CFAP299: variants seen among roughly 807,000 people sequenced by gnomAD.
CFAP299 encodes the protein cilia and flagella associated protein 299.
CFAP299 carries 21 observed loss-of-function variants against 27.0 expected under a neutral mutation model. The ratio of observed to expected loss-of-function variants is 0.78; its 90% CI spans 0.55 to 1.12. The LOEUF (loss-of-function observed/expected upper bound fraction) is 1.12, where lower values mean the gene tolerates loss of function less well. Ranked by LOEUF, CFAP299 falls within the 50% of genes most tolerant of loss-of-function variation. The probability of loss-of-function intolerance (pLI) is 0.00; values close to 1 mark genes in which losing one functional copy is unlikely to be tolerated. For synonymous variants in CFAP299, 104 were observed against 98.1 expected, an observed-to-expected ratio of 1.06 and a Z score of -0.36; for missense variants, 310 against 276.6, an observed-to-expected ratio of 1.12 and a Z score of -0.86.
chr4:80,770,463 T>C (rs1043769319), intron 3 of CFAP299, among the ~76,000 whole-genome samples: 9 of 152,032 alleles, frequency 5.9e-5, no homozygotes, highest in Non-Finnish European at 1.3e-4. Flanking sequence ...AGGAAAAAAT[T>C]TTGCTAAGCA....
rs149221645 is a variant in CFAP299 at position 80,688,026 on chromosome 4, C to A, written c.333+104843C>A. 8.4e-3 allele frequency among the ~76,000 whole-genome samples: 1,279 copies of A among 152,350 alleles called. 11 individuals carry two copies. The highest frequency in any genetic ancestry group is 0.01 in the Non-Finnish European group (705 of 68,034). ...CCAGGAGATTGTGTCCCGCACCTGG[C>A]TCGGAGGGTCCTACACCCACGGAGT... is the stretch of plus-strand genomic sequence containing the variant. On this transcript the variant is annotated intron_variant, in intron 3 of 5. Transcript: ENST00000358105.
chr4:80,934,096 C>A (rs1377115814), intron 4 of CFAP299, among the ~76,000 whole-genome samples: 3 of 151,942 alleles, frequency 2.0e-5, no homozygotes, highest in East Asian at 3.9e-4. Context: ...TGTTGAAGTG[C>A]ATTCCTTCTG....
At chr4:80,882,409 C>T (rs1733747474) in intron 4 of CFAP299, among the ~76,000 whole-genome samples, 1 of 152,074 alleles carries the variant, frequency 6.6e-6, no homozygotes, top group Non-Finnish European at 1.5e-5. Context: ...GAGGCCGAGG[C>T]GGGCGGATTA....
At chr4:80,396,108 A>G (rs147694559) in intron 2 of CFAP299, among the ~76,000 whole-genome samples, 283 of 152,110 alleles carry the variant, frequency 1.9e-3, no homozygotes, top group African/African-American at 6.7e-3. Flanking sequence ...AGCATTCTCA[A>G]TTTGCTTAGT....
intron 3 of CFAP299, among the ~76,000 whole-genome samples, chr4:80,819,642 G>A (rs1017787480): frequency 6.6e-6 from 1 of 152,166 alleles, no homozygotes; most frequent in East Asian, 1.9e-4. Context: ...CTAAAATAAC[G>A]ATCTCTATGT....
intron 4 of CFAP299, among the ~76,000 whole-genome samples, 197 bp from the exon 5 acceptor site, chr4:80,944,613 T>C (rs1033598751): frequency 1.3e-5 from 2 of 152,184 alleles, no homozygotes; most frequent in African/African-American, 4.8e-5. Flanking sequence ...ATCATAAATA[T>C]GTGTCTAAAT....
intron 2 of CFAP299, among the ~76,000 whole-genome samples, chr4:80,421,670 T>G (rs1023053202): frequency 4.6e-5 from 7 of 152,188 alleles, no homozygotes; most frequent in African/African-American, 1.7e-4. Flanking sequence ...TCAGACTCCT[T>G]AGAAGCGGGA....
chr4:80,567,499 A>G (rs1054410547), intron 2 of CFAP299, among the ~76,000 whole-genome samples: 7 of 152,178 alleles, frequency 4.6e-5, no homozygotes, highest in Admixed American at 2.6e-4. Context: ...TATTGTTTCA[A>G]TTGTGAAAAG....
intron 3 of CFAP299, among the ~76,000 whole-genome samples, chr4:80,726,043 T>C (rs1404301116): frequency 2.0e-5 from 3 of 152,246 alleles, no homozygotes; most frequent in Non-Finnish European, 4.4e-5. Flanking sequence ...TTCTGCTCTA[T>C]TAATTAGTGG....
intron 4 of CFAP299, among the ~76,000 whole-genome samples, chr4:80,944,245 T>A (rs1168353092): frequency 6.6e-6 from 1 of 151,894 alleles, no homozygotes; most frequent in African/African-American, 2.4e-5. Context: ...CCGAGTCGTT[T>A]TGCTTTGTCC....
chr4:80,547,982 C>T (rs1343138659), intron 2 of CFAP299, among the ~76,000 whole-genome samples: 1 of 152,142 alleles, frequency 6.6e-6, no homozygotes, highest in African/African-American at 2.4e-5. Context: ...TCACCAAGAA[C>T]TTAAAACAGA....
At chr4:80,886,442 AAGTT>A (rs763863180) in intron 4 of CFAP299, among the ~76,000 whole-genome samples, 26 of 152,184 alleles carry the variant, frequency 1.7e-4, no homozygotes, top group Non-Finnish European at 3.7e-4. Context: ...GTTTGAAAGA[AAGTT>A]AGGGAAAAAC....
intron 3 of CFAP299, among the ~76,000 whole-genome samples, chr4:80,618,274 A>T (rs1738400375): frequency 6.6e-6 from 1 of 152,086 alleles, no homozygotes; most frequent in Admixed American, 6.6e-5. Flanking sequence ...ATACAGTATA[A>T]AGGCAAACTG....
intron 3 of CFAP299, among the ~76,000 whole-genome samples, chr4:80,730,306 T>A (rs1231992116): frequency 1.5e-5 from 2 of 136,374 alleles, no homozygotes; most frequent in Admixed American, 1.4e-4. Context: ...GTGTATGACC[T>A]GACCTCCGGG....
chr4:80,744,643 C>T lies in CFAP299; in HGVS notation c.334-125350C>T, dbSNP rs115955268. On this transcript the variant is annotated intron_variant, in intron 3 of 5. Transcript: ENST00000358105. ...CTACTAATACACAAGCTCTACCCAG[C>T]GTACAAATTATTATTTAGGAATCAT... 8.4e-3 allele frequency among the ~76,000 whole-genome samples: 1,271 copies of T among 151,804 alleles called. 21 individuals carry two copies. Among genetic ancestry groups the T allele is most frequent in the African/African-American group, 0.03 (1,223 of 41,382 alleles).
chr4:80,857,891 A>G lies in CFAP299; in HGVS notation c.334-12102A>G, dbSNP rs376302307. ...TCTTTTTTTTGTTGTGTCTCTGCCC[A>G]GCTTTGGTATCAGGATGATGCTGGC... On this transcript the variant is annotated intron_variant, in intron 3 of 5. Coordinates refer to ENST00000358105, the MANE Select transcript of CFAP299 (RefSeq NM_152770.3). Among the ~76,000 whole-genome samples the G allele has an allele frequency of 3.9e-3, 588 of 152,112 alleles. 1 individual carries two copies. The highest frequency in any genetic ancestry group is 0.014 in the Middle Eastern group (4 of 294).
intron 2 of CFAP299, among the ~76,000 whole-genome samples, chr4:80,391,397 T>C (rs1171773263): frequency 1.3e-5 from 2 of 152,200 alleles, no homozygotes; most frequent in Non-Finnish European, 1.5e-5. Context: ...TTTGTCTTTT[T>C]GATAATCGCC....
At chr4:80,373,389 G>A (rs1724245649) in intron 2 of CFAP299, among the ~76,000 whole-genome samples, 2 of 152,086 alleles carry the variant, frequency 1.3e-5, no homozygotes, top group South Asian at 4.1e-4. Context: ...TCTCTTTGGG[G>A]GAGAAGAGAA....
intron 4 of CFAP299, among the ~76,000 whole-genome samples, chr4:80,906,477 G>A (rs1735192459): frequency 6.6e-6 from 1 of 152,210 alleles, no homozygotes; most frequent in South Asian, 2.1e-4. Context: ...GCCCTTATGT[G>A]TGGGAATTCC....
Sources: gnomAD v4.1 joint callset for allele counts (sites outside exome capture counted in the v4.1 genomes callset) on GRCh38, gnomAD v4.1.1 for gene constraint, MANE v1.5 for transcripts, NCBI Gene and HGNC (gene_info 2026-07-23, HGNC 2026-07-21) for gene names.